The following SLC71A2 variants were observed in gnomAD, a reference collection of about 807,000 sequenced individuals.
SLC71A2 encodes the protein solute carrier family 71 member 2.
chr9:94,429,031 A>T, the SLC71A2 span, among the ~76,000 whole-genome samples: 2 of 152,008 alleles, frequency 1.3e-5, no homozygotes, highest in Non-Finnish European at 2.9e-5. Context: ...GATAGTCTGG[A>T]TGTACCACAG....
At chr9:94,456,642 A>G in the SLC71A2 span, among the ~76,000 whole-genome samples, 1 of 152,258 alleles carries the variant, frequency 6.6e-6, no homozygotes, top group African/African-American at 2.4e-5. Context: ...TAAGCAGACT[A>G]TAATCACATT....
the SLC71A2 span, among the ~76,000 whole-genome samples, chr9:94,447,387 C>G: frequency 6.6e-6 from 1 of 151,684 alleles, no homozygotes; most frequent in Non-Finnish European, 1.5e-5. Flanking sequence ...ACCGTGTTGG[C>G]CAGGTTGGTC....
chr9:94,451,536 C>T, the SLC71A2 span: 2 of 1,459,714 alleles, frequency 1.4e-6, no homozygotes, highest in Non-Finnish European at 9.3e-7. Context: ...AGGTGAGTAT[C>T]ATTTTATCTA....
At chr9:94,430,368 G>A in the SLC71A2 span, among the ~76,000 whole-genome samples, 2 of 151,902 alleles carry the variant, frequency 1.3e-5, no homozygotes, top group Non-Finnish European at 2.9e-5. Flanking sequence ...GATTTCAGGT[G>A]CCCACCACTA....
At chr9:94,384,401 T>C in the SLC71A2 span, among the ~76,000 whole-genome samples, 1 of 150,606 alleles carries the variant, frequency 6.6e-6, no homozygotes, top group African/African-American at 2.4e-5. Flanking sequence ...TGCAGTGGCA[T>C]GATCACGGCT....
At chr9:94,454,677 T>TTTA in the SLC71A2 span, among the ~76,000 whole-genome samples, 1 of 152,134 alleles carries the variant, frequency 6.6e-6, no homozygotes, top group Non-Finnish European at 1.5e-5. Context: ...TATGCTAATT[T>TTTA]TTAGAGACAT....
the SLC71A2 span, chr9:94,441,201 G>T: frequency 1.9e-6 from 1 of 531,584 alleles, no homozygotes; most frequent in Non-Finnish European, 3.2e-6. Flanking sequence ...TTGCACTGCT[G>T]TAAAGAAATA....
chr9:94,417,739 G>T, the SLC71A2 span, among the ~76,000 whole-genome samples: 3 of 151,540 alleles, frequency 2.0e-5, no homozygotes, highest in South Asian at 6.2e-4. Flanking sequence ...TGAGCTTCTT[G>T]TTTCTGTAGA....
chr9:94,445,071 T>C, the SLC71A2 span: 4 of 1,614,200 alleles, frequency 2.5e-6, no homozygotes, highest in Non-Finnish European at 3.4e-6. Context: ...CAGTGGTGGC[T>C]CTTCTGGACA....
the SLC71A2 span, among the ~76,000 whole-genome samples, chr9:94,456,822 GAAATTA>G: frequency 1.8e-4 from 27 of 152,288 alleles, no homozygotes; most frequent in Middle Eastern, 3.4e-3. Flanking sequence ...AGTGAGAGAT[GAAATTA>G]AAATTAAGAC....
the SLC71A2 span, among the ~76,000 whole-genome samples, chr9:94,410,603 A>G: frequency 6.6e-6 from 1 of 152,208 alleles, no homozygotes; most frequent in African/African-American, 2.4e-5. Context: ...TCAATATGAA[A>G]GATTAAAGTC....
the SLC71A2 span, among the ~76,000 whole-genome samples, chr9:94,395,658 C>T: frequency 1.3e-5 from 2 of 152,282 alleles, no homozygotes; most frequent in East Asian, 3.9e-4. Context: ...TTATGCGTCC[C>T]TTAGAGAGTG....
the SLC71A2 span, among the ~76,000 whole-genome samples, chr9:94,428,603 T>TCC: frequency 2.2e-5 from 3 of 135,252 alleles, no homozygotes; most frequent in African/African-American, 8.7e-5. Context: ...CCCCCCCCTT[T>TCC]TTTTTTTTTA....
At chr9:94,424,336 G>A in the SLC71A2 span, among the ~76,000 whole-genome samples, 1 of 152,042 alleles carries the variant, frequency 6.6e-6, no homozygotes, top group Non-Finnish European at 1.5e-5. Flanking sequence ...CTGGGTTCAA[G>A]TGATTCTCCT....
the SLC71A2 span, among the ~76,000 whole-genome samples, chr9:94,453,086 T>TA: frequency 6.6e-6 from 1 of 152,048 alleles, no homozygotes; most frequent in African/African-American, 2.4e-5. Context: ...AAATGTAAAT[T>TA]ATGTTAACCT....
At chr9:94,381,040 C>CTT in the SLC71A2 span, among the ~76,000 whole-genome samples, 188 of 68,512 alleles carry the variant, frequency 2.7e-3, 2 homozygotes, top group African/African-American at 1.0e-2. Flanking sequence ...TTTCTTCCCC[C>CTT]TTTTTTTTTT....
chr9:94,441,341 A>G, the SLC71A2 span, among the ~76,000 whole-genome samples: 3 of 152,194 alleles, frequency 2.0e-5, no homozygotes, highest in South Asian at 6.2e-4. Context: ...GATGGAAGGC[A>G]GAGCCAGAGC....
chr9:94,451,078 G>A, the SLC71A2 span, among the ~76,000 whole-genome samples: 1 of 152,154 alleles, frequency 6.6e-6, no homozygotes, highest in African/African-American at 2.4e-5. Context: ...AGGCAAAGTT[G>A]AGAGCCACTG....
the SLC71A2 span, among the ~76,000 whole-genome samples, chr9:94,411,854 G>A: frequency 6.6e-6 from 1 of 152,156 alleles, no homozygotes; most frequent in Admixed American, 6.6e-5. Context: ...GCCTCCCGAA[G>A]TGCTGTGATT....
Sources: allele counts gnomAD v4.1 joint callset (sites outside exome capture counted in the v4.1 genomes callset), GRCh38; gene constraint gnomAD v4.1.1; transcripts MANE v1.5; gene names NCBI Gene and HGNC (gene_info 2026-07-23, HGNC 2026-07-21).